RERE: variants seen among roughly 807,000 people sequenced by gnomAD.
RERE encodes the protein arginine-glutamic acid dipeptide repeats, also known as arginine-glutamic acid dipeptide repeats protein.
A neutral mutation model predicts 146.1 loss-of-function variants in RERE; 40 were observed. That is an observed-to-expected ratio of 0.27 (90% CI 0.21 to 0.36). RERE has a LOEUF of 0.36. Among genes scored for constraint, RERE ranks in the 10% least tolerant of loss-of-function variants. The probability of loss-of-function intolerance (pLI) is 1.00; values close to 1 mark genes in which losing one functional copy is unlikely to be tolerated. For synonymous variants in RERE, 1,003 were observed against 866.0 expected (o/e 1.16, Z -2.78); for missense variants, 1,933 against 2,138.7 (o/e 0.90, Z 1.90).
chr1:8,418,732 T>G (rs1643845291), intron 12 of RERE, among the ~76,000 whole-genome samples: 1 of 152,202 alleles, frequency 6.6e-6, no homozygotes, highest in Non-Finnish European at 1.5e-5. Flanking sequence ...AACAAAAAAT[T>G]ATTTTTGGAT....
rs761857373 is a variant in RERE at position 8,362,663 on chromosome 1, C to G, written c.1902+20G>C. On this transcript the variant is annotated intron_variant, in intron 16 of 22. Transcript: ENST00000400908. ...TGAGGGAGGGACAGAGTAGGCCCTACTATCCCCCCAGCACCTGACCTTGGC... is the reference window on the plus strand; with the variant it reads ...TGAGGGAGGGACAGAGTAGGCCCTAGTATCCCCCCAGCACCTGACCTTGGC... The G allele has an allele frequency of 1.2e-6, 2 of 1,614,086 alleles. No homozygotes were observed. The highest frequency in any genetic ancestry group is 1.7e-6 in the Non-Finnish European group (2 of 1,180,024).
chr1:8,627,655 T>C (rs1205284134), intron 2 of RERE, among the ~76,000 whole-genome samples: 3 of 151,342 alleles, frequency 2.0e-5, no homozygotes, highest in Non-Finnish European at 2.9e-5. Context: ...AGACTACGCA[T>C]GTTTTTCTTT....
intron 1 of RERE, among the ~76,000 whole-genome samples, chr1:8,726,936 G>C (rs1250631030): frequency 2.6e-5 from 4 of 151,870 alleles, no homozygotes; most frequent in African/African-American, 9.7e-5. Flanking sequence ...CTCCAGAGTA[G>C]CTGGGATCAC....
chr1:8,812,868 G>C (rs1641839506), intron 1 of RERE, among the ~76,000 whole-genome samples: 1 of 151,940 alleles, frequency 6.6e-6, no homozygotes, highest in Non-Finnish European at 1.5e-5. Flanking sequence ...GTGTTCAAAT[G>C]TTCATTAAAT....
At chr1:8,705,153 A>G (rs1247366036) in intron 1 of RERE, among the ~76,000 whole-genome samples, 1 of 152,222 alleles carries the variant, frequency 6.6e-6, no homozygotes, top group African/African-American at 2.4e-5. Flanking sequence ...GCCAGTTTAT[A>G]GTGAGTTGGA....
At chr1:8,663,064 A>C (rs896380829) in intron 1 of RERE, among the ~76,000 whole-genome samples, 4 of 152,220 alleles carry the variant, frequency 2.6e-5, no homozygotes, top group Non-Finnish European at 5.9e-5. Context: ...AAGGTAGCCA[A>C]AACACCCCTA....
At chr1:8,520,760 A>AAAAAC (rs1645485152) in intron 7 of RERE, among the ~76,000 whole-genome samples, 2 of 149,302 alleles carry the variant, frequency 1.3e-5, no homozygotes, top group Non-Finnish European at 3.0e-5. Flanking sequence ...TTTTTAAAAA[A>AAAAAC]AAAAAAAAAA....
intron 1 of RERE, among the ~76,000 whole-genome samples, chr1:8,762,820 G>T (rs980207175): frequency 1.3e-5 from 2 of 152,062 alleles, no homozygotes; most frequent in Admixed American, 1.3e-4. Context: ...TTCCCCTTAT[G>T]GCAAGGCTTA....
intron 12 of RERE, among the ~76,000 whole-genome samples, chr1:8,370,623 G>A (rs1319772750): frequency 2.0e-5 from 3 of 152,150 alleles, no homozygotes; most frequent in Non-Finnish European, 4.4e-5. Context: ...GTCTAGGATC[G>A]GAAATGGCAT....
rs1399866236 is a variant in RERE, at chr1:8,360,497, G to C, written c.3010C>G (p.Pro1004Ala). Residue 1004 changes from proline to alanine, a missense_variant, in exon 18 of 23, where the codon CCC becomes GCC. Physicochemically the swap from Pro to Ala is conservative, Grantham distance 27 (BLOSUM62 -1). Coordinates refer to ENST00000400908, the MANE Select transcript of RERE (RefSeq NM_001042681.2). The stretch of plus-strand genomic sequence containing the variant: ...TTCTGGCTCTGGGTCAGCCCGGGGG[G>C]CTGGGCGGGCGAGGAGGGCAATGGC... ...SQPLPSSPAQ[P>A]PGLTQSQNLP... 1.4e-6 allele frequency: 2 copies of C among 1,382,322 alleles called. No individual in the cohort carries two copies. Among genetic ancestry groups the C allele is most frequent in the Non-Finnish European group, 1.9e-6 (2 of 1,049,170 alleles). The allele number at this position is 1,382,322 out of a possible 1,614,324, so 85.6% of individuals were successfully genotyped here. A position where few individuals can be genotyped will look rare whatever the true frequency, so the allele number is the denominator to read the frequency against.
chr1:8,477,604 A>G (rs533458015), intron 10 of RERE, among the ~76,000 whole-genome samples: 4 of 152,364 alleles, frequency 2.6e-5, no homozygotes, highest in African/African-American at 9.6e-5. Flanking sequence ...ACCTACTCAT[A>G]CATGCTAAAT....
chr1:8,716,998 A>G (rs1431740148), intron 1 of RERE, among the ~76,000 whole-genome samples: 1 of 152,204 alleles, frequency 6.6e-6, no homozygotes, highest in Non-Finnish European at 1.5e-5. Flanking sequence ...AAAAAGACAC[A>G]ATCACAATTT....
chr1:8,618,292 C>A (rs1353023262), intron 3 of RERE, among the ~76,000 whole-genome samples: 3 of 152,044 alleles, frequency 2.0e-5, no homozygotes, highest in Non-Finnish European at 4.4e-5. Flanking sequence ...ACTTTATATC[C>A]CAACTTCACA....
intron 4 of RERE, among the ~76,000 whole-genome samples, chr1:8,564,822 G>GTATA (rs1205137532): frequency 1.8e-4 from 17 of 94,892 alleles, no homozygotes; most frequent in South Asian, 5.9e-4. Context: ...GTATGTGTGT[G>GTATA]TATATGTGTA....
At chr1:8,461,493 T>C (rs188691963) in intron 11 of RERE, among the ~76,000 whole-genome samples, 16 of 152,282 alleles carry the variant, frequency 1.1e-4, no homozygotes, top group African/African-American at 3.9e-4. Flanking sequence ...ATGACCCAGG[T>C]GTTGCTCACA....
intron 7 of RERE, among the ~76,000 whole-genome samples, chr1:8,529,287 C>CTTCTTTTTTTTTTT (rs1382281413): frequency 3.9e-5 from 4 of 102,446 alleles, no homozygotes; most frequent in African/African-American, 1.5e-4. Flanking sequence ...GTTCTCCCTT[C>CTTCTTTTTTTTTTT]TTTTTTTTTT....
In RERE at chr1:8,360,474, C is replaced by A; in HGVS notation, c.3033G>T (p.Gln1011His). 1 of 1,243,600 alleles carries A rather than the reference C, an allele frequency of 8.0e-7. No homozygotes were observed. The highest frequency in any genetic ancestry group is 1.0e-6 in the Non-Finnish European group (1 of 952,712). 77.0% of individuals were successfully genotyped at this position (1,243,600 alleles called of 1,614,324 possible). A position where few individuals can be genotyped will look rare whatever the true frequency, so the allele number is the denominator to read the frequency against. Residue 1011 changes from glutamine to histidine, a missense_variant, in exon 18 of 23, where the codon CAG (glutamine) becomes CAT (histidine). Gln to His is a conservative substitution (Grantham distance 24). Around this residue, in one of 11 missense-constraint regions of RERE, gnomAD observed 1,255 missense variants for 1,153.8 expected, o/e 1.09. Coordinates refer to ENST00000400908, the MANE Select transcript of RERE (RefSeq NM_001042681.2). ...GGGAGGCAGGGGGCGGGGGCAGGTT[C>A]TGGCTCTGGGTCAGCCCGGGGGGCT... ...PAQPPGLTQS[Q>H]NLPPPPASHP...
chr1:8,451,504 C>G (rs1263844808), intron 11 of RERE, among the ~76,000 whole-genome samples: 1 of 152,128 alleles, frequency 6.6e-6, no homozygotes, highest in Non-Finnish European at 1.5e-5. Context: ...CAATCTTCCA[C>G]CCACTTTGGC....
At chr1:8,493,775 A>C (rs1455282734) in intron 10 of RERE, among the ~76,000 whole-genome samples, 2 of 152,224 alleles carry the variant, frequency 1.3e-5, no homozygotes, top group South Asian at 2.1e-4. Flanking sequence ...TAATCATCAG[A>C]AGAGGTGCTT....
Sources: gnomAD v4.1 joint callset for allele counts (sites outside exome capture counted in the v4.1 genomes callset) on GRCh38, gnomAD v4.1.1 for gene constraint, gnomAD v4.1.1 regional missense constraint, MANE v1.5 for transcripts, NCBI Gene and HGNC (gene_info 2026-07-23, HGNC 2026-07-21) for gene names.